The following GNA12 variants were observed in gnomAD, a reference collection of about 807,000 sequenced individuals.
GNA12 encodes the protein G protein subunit alpha 12.
A neutral mutation model predicts 26.0 loss-of-function variants in GNA12; 9 were observed. The ratio of observed to expected loss-of-function variants is 0.35; its 90% confidence interval spans 0.21 to 0.60. The LOEUF (loss-of-function observed/expected upper bound fraction) is 0.60. Ranked by LOEUF, GNA12 falls within the 20% of genes least tolerant of loss-of-function variation. The pLI is 0.78. For synonymous variants in GNA12, 264 were observed against 219.6 expected (o/e 1.20, Z -1.79); for missense variants, 405 against 525.8 (o/e 0.77, Z 2.25).
chr7:2,807,640 C>A (rs528321101), intron 1 of GNA12, among the ~76,000 whole-genome samples: 1 of 151,140 alleles, frequency 6.6e-6, no homozygotes, highest in Non-Finnish European at 1.5e-5. Flanking sequence ...TGTTCTCATC[C>A]GTTGCCTCTA....
chr7:2,788,523 C>T (rs1266164897), intron 2 of GNA12, among the ~76,000 whole-genome samples: 1 of 152,200 alleles, frequency 6.6e-6, no homozygotes, highest in African/African-American at 2.4e-5. Context: ...ATGTAATTGA[C>T]TGGCCACAAT....
In GNA12 at chr7:2,731,246, A is replaced by C; in HGVS notation, c.1081T>G (p.Phe361Val). ...GTGTCTTTCACAGCATGGAACACGAAGCGGACGTTCTCGGTGTCGATGGCG... is the reference window on the plus strand; with the variant it reads ...GTGTCTTTCACAGCATGGAACACGACGCGGACGTTCTCGGTGTCGATGGCG... Reference protein sequence around the residue: ...TTAIDTENVRFVFHAVKDTIL... With the variant: ...TTAIDTENVRVVFHAVKDTIL... The change falls in exon 4 of 4, where the codon TTC (phenylalanine) becomes GTC (valine). Residue 361 changes from phenylalanine (F) to valine (V), a missense_variant. Physicochemically the swap from Phe to Val is conservative, Grantham distance 50. Transcript: ENST00000275364. The surrounding 1 kb of genome is among the most constrained non-coding windows in gnomAD (Gnocchi z 6.0). 1 of 1,613,478 alleles carries C rather than the reference A, an allele frequency of 6.2e-7. No individual in the cohort carries two copies. Among genetic ancestry groups the C allele is most frequent in the Non-Finnish European group, 8.5e-7 (1 of 1,179,846 alleles).
chr7:2,791,101 T>G (rs1792506613), intron 2 of GNA12, among the ~76,000 whole-genome samples: 1 of 152,226 alleles, frequency 6.6e-6, no homozygotes, highest in Admixed American at 6.5e-5. Context: ...ATGAGCAAGC[T>G]ATATTTAAAA....
intron 1 of GNA12, among the ~76,000 whole-genome samples, chr7:2,839,866 G>A (rs1217439330): frequency 6.6e-6 from 1 of 152,162 alleles, no homozygotes; most frequent in East Asian, 1.9e-4. Flanking sequence ...GGACGTGGTG[G>A]TGGGCGCCTG....
chr7:2,759,023 C>T (rs1791431362), intron 2 of GNA12, among the ~76,000 whole-genome samples: 1 of 151,786 alleles, frequency 6.6e-6, no homozygotes, highest in African/African-American at 2.4e-5. Context: ...GCCTGTAATC[C>T]CAGCTACTGG....
intron 2 of GNA12, among the ~76,000 whole-genome samples, chr7:2,791,163 A>C (rs1017243838): frequency 6.6e-6 from 1 of 152,224 alleles, no homozygotes; most frequent in Non-Finnish European, 1.5e-5. Context: ...GATAATATTT[A>C]TATTAGTTAT....
Position 2,813,194 on chromosome 7 carries a change from G to C in GNA12, c.310-18051C>G, listed in dbSNP as rs372100011. Among the ~76,000 whole-genome samples, 7 of 152,288 alleles carry C rather than the reference G, an allele frequency of 4.6e-5. No individual in the cohort carries two copies. In the East Asian group the frequency reaches 7.7e-4, roughly 17 times the overall value. On this transcript the variant is annotated intron_variant, in intron 1 of 3. Coordinates refer to ENST00000275364, the MANE Select transcript of GNA12 (RefSeq NM_007353.3). ...CCTGGTATCCAGCAACCTTTAAAAG[G>C]TAATTGTTTCCCCTTCTATAACAAG...
At position 2,731,352 on chromosome 7, in the gene GNA12, C is replaced by T. The variant is rs749276287; in HGVS notation, c.975G>A (p.Glu325=). The part of the protein sequence containing the change: ...PDFRGDPHRL[E]DVQRYLVQCF... ...ACTGGACCAGGTAGCGCTGGACGTC[C>T]TCCAGCCTGTGCGGGTCGCCCCTGA... Residue 325 remains glutamate, a synonymous_variant, in exon 4 of 4, where the codon GAG becomes GAA. Coordinates refer to ENST00000275364, the MANE Select transcript of GNA12 (RefSeq NM_007353.3). The surrounding 1 kb of genome is among the most constrained non-coding windows in gnomAD (Gnocchi z 6.0). 16 of 1,613,958 alleles carry T rather than the reference C, an allele frequency of 9.9e-6. No individual in the cohort carries two copies. Among genetic ancestry groups the T allele is most frequent in the African/African-American group, 8.0e-5 (6 of 74,904 alleles).
At chr7:2,791,177 G>A (rs1159192187) in intron 2 of GNA12, among the ~76,000 whole-genome samples, 2 of 152,146 alleles carry the variant, frequency 1.3e-5, no homozygotes, top group Admixed American at 6.5e-5. Flanking sequence ...TAGTTATACC[G>A]ATGACCAAAG....
At chr7:2,822,458 G>T (rs941926302) in intron 1 of GNA12, among the ~76,000 whole-genome samples, 31 of 152,308 alleles carry the variant, frequency 2.0e-4, no homozygotes, top group African/African-American at 6.5e-4. Flanking sequence ...GATAAAGATT[G>T]AAGGGCCAAG....
intron 2 of GNA12, among the ~76,000 whole-genome samples, chr7:2,758,559 A>C (rs894456546): frequency 3.3e-5 from 5 of 152,062 alleles, no homozygotes; most frequent in African/African-American, 9.7e-5. Flanking sequence ...CTTTCAGCTA[A>C]GCCAAAGGGA....
intron 2 of GNA12, among the ~76,000 whole-genome samples, chr7:2,773,334 T>C (rs755063516): frequency 6.6e-6 from 1 of 152,166 alleles, no homozygotes; most frequent in Admixed American, 6.5e-5. Flanking sequence ...GAGGCCGACA[T>C]GGGTGATCAC....
At position 2,818,494 on chromosome 7, in the gene GNA12, G is replaced by C. The variant is rs748078935; in HGVS notation, c.310-23351C>G. ...TAAAGAACAGGAAGCCTGGTGCGGT[G>C]GCTCATGCCTGTAATCCCAGCACTT... On this transcript the variant is annotated intron_variant, in intron 1 of 3. Coordinates refer to ENST00000275364, the MANE Select transcript of GNA12 (RefSeq NM_007353.3). 2.6e-5 allele frequency among the ~76,000 whole-genome samples: 4 copies of C among 152,324 alleles called. No individual in the cohort carries two copies. In the East Asian group the frequency reaches 5.8e-4, roughly 22 times the overall value.
At chr7:2,806,457 C>CAAAAAAAAAAAAAA (rs34036056) in intron 1 of GNA12, among the ~76,000 whole-genome samples, 38 of 80,586 alleles carry the variant, frequency 4.7e-4, no homozygotes, top group African/African-American at 7.5e-4. Context: ...GACTCTGTCT[C>CAAAAAAAAAAAAAA]AAAAAAAAAA....
chr7:2,830,444 A>AG (rs34287849), intron 1 of GNA12, among the ~76,000 whole-genome samples: 3 of 152,228 alleles, frequency 2.0e-5, no homozygotes, highest in Non-Finnish European at 4.4e-5. Context: ...GGACAAACGC[A>AG]GGGGAGGTGG....
intron 1 of GNA12, among the ~76,000 whole-genome samples, chr7:2,800,431 C>T (rs760289036): frequency 2.0e-5 from 3 of 152,240 alleles, no homozygotes; most frequent in East Asian, 1.9e-4. Context: ...GAGGAAAGGG[C>T]GCACAACCAC....
intron 2 of GNA12, among the ~76,000 whole-genome samples, chr7:2,779,466 CG>C (rs1356454535): frequency 6.6e-6 from 1 of 151,324 alleles, no homozygotes; most frequent in African/African-American, 2.4e-5. Context: ...GCTATGATCA[CG>C]CTACTACACT....
chr7:2,799,167 C>T, intron 1 of GNA12, among the ~76,000 whole-genome samples: 1 of 152,194 alleles, frequency 6.6e-6, no homozygotes, highest in Non-Finnish European at 1.5e-5. Context: ...ATATTTTGCT[C>T]CGCCAAAGAC....
intron 1 of GNA12, among the ~76,000 whole-genome samples, chr7:2,837,405 A>T (rs1243407498): frequency 1.3e-5 from 2 of 152,262 alleles, no homozygotes; most frequent in African/African-American, 4.8e-5. Context: ...GATGAGAGAG[A>T]GGGACTGAAA....
Sources: gnomAD v4.1 joint callset for allele counts (sites outside exome capture counted in the v4.1 genomes callset) on GRCh38, gnomAD v4.1.1 for gene constraint, Gnocchi (gnomAD v3.1) non-coding constraint, MANE v1.5 for transcripts, NCBI Gene and HGNC (gene_info 2026-07-23, HGNC 2026-07-21) for gene names.